KIF5C: variants seen among roughly 807,000 people sequenced by gnomAD.
The protein encoded by KIF5C is kinesin family member 5C, also known as kinesin heavy chain isoform 5C.
In KIF5C, 18 loss-of-function variants were observed where a neutral mutation model predicts 125.2. The observed-to-expected ratio is 0.14, with a 90% CI of 0.10 to 0.21. The LOEUF is 0.21. Among genes scored for constraint, KIF5C ranks in the 10% least tolerant of loss-of-function variants. KIF5C has a pLI of 1.00. For synonymous variants in KIF5C, 405 were observed against 434.0 expected, an observed-to-expected ratio of 0.93 and a Z score of 0.83; for missense variants, 780 against 1,183.8, an observed-to-expected ratio of 0.66 and a Z score of 5.01.
intron 3 of KIF5C, 120 bp downstream of exon 3, chr2:148,929,474 G>T: frequency 1.6e-6 from 1 of 621,466 alleles, no homozygotes; most frequent in South Asian, 2.0e-5. Context: ...GTTATGTTTG[G>T]CCAATTAATT....
intron 1 of KIF5C, among the ~76,000 whole-genome samples, chr2:148,882,008 G>T (rs1405792529): frequency 2.6e-5 from 4 of 152,072 alleles, no homozygotes; most frequent in African/African-American, 9.7e-5. Flanking sequence ...TAATTTTGTG[G>T]CTGAGAAAGC....
chr2:149,005,543 C>T (rs1681981708), intron 22 of KIF5C, 79 bp downstream of exon 22: 1 of 1,566,912 alleles, frequency 6.4e-7, no homozygotes, highest in South Asian at 1.2e-5. Context: ...TGAAATATCA[C>T]TTGCTTAAGT....
chr2:149,001,246 G>A (rs1337051065), intron 21 of KIF5C, among the ~76,000 whole-genome samples: 1 of 152,206 alleles, frequency 6.6e-6, no homozygotes, highest in East Asian at 1.9e-4. Context: ...GCTATAGAAT[G>A]TGCATAGGTT....
intron 21 of KIF5C, among the ~76,000 whole-genome samples, chr2:149,003,195 C>T (rs1025970064): frequency 1.3e-5 from 2 of 152,358 alleles, no homozygotes; most frequent in African/African-American, 2.4e-5. Flanking sequence ...CTCCCCGAGC[C>T]GTAAATGTTC....
chr2:148,916,550 C>T (rs183259204), intron 1 of KIF5C, among the ~76,000 whole-genome samples: 4 of 152,086 alleles, frequency 2.6e-5, no homozygotes, highest in South Asian at 4.2e-4. Flanking sequence ...TGTGAATGAC[C>T]GTCACTTTTT....
chr2:148,939,304 G>C (rs1005601782), intron 4 of KIF5C, among the ~76,000 whole-genome samples: 3 of 152,144 alleles, frequency 2.0e-5, no homozygotes, highest in Non-Finnish European at 4.4e-5. Flanking sequence ...ATTACATCTA[G>C]CAAATCACTT....
chr2:149,006,704 C>T (rs1310701815), intron 22 of KIF5C, among the ~76,000 whole-genome samples: 1 of 152,140 alleles, frequency 6.6e-6, no homozygotes, highest in African/African-American at 2.4e-5. Context: ...AATTTCAAGG[C>T]CTGCATGGCA....
In KIF5C at chr2:148,875,728, G is replaced by A. The variant is rs1285361036; in HGVS notation, c.111G>A (p.Glu37=). 2 of 1,604,832 alleles carry A rather than the reference G, an allele frequency of 1.2e-6. No homozygotes were observed. Among genetic ancestry groups the A allele is most frequent in the African/African-American group, 1.3e-5 (1 of 74,738 alleles). Residue 37 remains glutamate, a synonymous_variant, in exon 1 of 26, where the codon GAG becomes GAA. Transcript: ENST00000435030. ...TCATCCCCAAATTTAAAGGCGATGA[G>A]ACCGTGGTGATCGGGGTAAGTGGCT... The part of the protein sequence containing the change: ...DKFIPKFKGD[E]TVVIGQGKPY...
chr2:148,996,164 G>T (rs2105179723), intron 17 of KIF5C, among the ~76,000 whole-genome samples: 1 of 152,194 alleles, frequency 6.6e-6, no homozygotes, highest in African/African-American at 2.4e-5. Context: ...TGAAAAAAAA[G>T]TGAATGGATG....
chr2:148,975,784 A>G (rs571578607), intron 12 of KIF5C, among the ~76,000 whole-genome samples: 1 of 152,366 alleles, frequency 6.6e-6, no homozygotes, highest in African/African-American at 2.4e-5. Flanking sequence ...AATAATGCTG[A>G]GTCCTGGGCT....
chr2:148,953,661 C>T (rs546794329), intron 10 of KIF5C, among the ~76,000 whole-genome samples: 63 of 152,240 alleles, frequency 4.1e-4, no homozygotes, highest in Non-Finnish European at 1.2e-4. Context: ...GAGGTTCCTC[C>T]GTTATTCCTT....
intron 3 of KIF5C, among the ~76,000 whole-genome samples, chr2:148,929,836 G>A (rs1682132395): frequency 6.6e-6 from 1 of 151,950 alleles, no homozygotes. Context: ...TTAATAGTAA[G>A]CAATGTTAAA....
At chr2:148,989,366 A>ACACACG (rs1289224189) in intron 15 of KIF5C, among the ~76,000 whole-genome samples, 1 of 151,108 alleles carries the variant, frequency 6.6e-6, no homozygotes, top group East Asian at 1.9e-4. Flanking sequence ...ACACACACAC[A>ACACACG]CACCACATTT....
chr2:148,914,756 G>A (rs1382489657), intron 1 of KIF5C, among the ~76,000 whole-genome samples: 1 of 152,264 alleles, frequency 6.6e-6, no homozygotes, highest in Non-Finnish European at 1.5e-5. Flanking sequence ...GCCAGTGTGG[G>A]GAGGGGGAGG....
chr2:149,007,737 G>A (rs1682051430), intron 22 of KIF5C, among the ~76,000 whole-genome samples: 2 of 146,268 alleles, frequency 1.4e-5, no homozygotes, highest in African/African-American at 2.5e-5. Flanking sequence ...ATTTGAAGGA[G>A]TTTTTTTTTT....
chr2:148,939,468 A>G (rs1682361738), intron 4 of KIF5C, among the ~76,000 whole-genome samples: 1 of 152,212 alleles, frequency 6.6e-6, no homozygotes, highest in Non-Finnish European at 1.5e-5. Context: ...AGCTTAAACT[A>G]CTGCAGGGTT....
intron 10 of KIF5C, among the ~76,000 whole-genome samples, chr2:148,953,459 T>G (rs1236949342): frequency 2.0e-5 from 3 of 152,230 alleles, no homozygotes; most frequent in African/African-American, 7.2e-5. Context: ...ACCTGCTGTA[T>G]TGTTAAATAT....
At chr2:148,882,146 G>A (rs897822916) in intron 1 of KIF5C, among the ~76,000 whole-genome samples, 8 of 152,144 alleles carry the variant, frequency 5.3e-5, no homozygotes, top group Non-Finnish European at 7.3e-5. Flanking sequence ...TCACCGTGGC[G>A]TCTTCACAGC....
intron 1 of KIF5C, among the ~76,000 whole-genome samples, chr2:148,901,382 G>A (rs983276011): frequency 1.3e-5 from 2 of 152,222 alleles, no homozygotes; most frequent in Non-Finnish European, 2.9e-5. Context: ...TGAGGCACCA[G>A]CAGAAGTGTT....
Sources: allele counts gnomAD v4.1 joint callset (sites outside exome capture counted in the v4.1 genomes callset), GRCh38; gene constraint gnomAD v4.1.1; transcripts MANE v1.5; gene names NCBI Gene and HGNC (gene_info 2026-07-23, HGNC 2026-07-21).